Variants in ZDHHC13 observed in about 807,000 individuals in gnomAD.
The protein encoded by ZDHHC13 is palmitoyltransferase ZDHHC13.
Under a neutral mutation model 86.0 loss-of-function variants are expected in ZDHHC13, and 85 were observed. That is an observed-to-expected ratio of 0.99 (90% CI 0.83 to 1.18). The LOEUF is 1.18. ZDHHC13 is among the 50% of genes most tolerant of loss of function. The probability of loss-of-function intolerance (pLI) is 0.00; values close to 1 mark genes in which losing one functional copy is unlikely to be tolerated. For synonymous variants in ZDHHC13, 263 were observed against 246.4 expected, an observed-to-expected ratio of 1.07 and a Z score of -0.63; for missense variants, 711 against 730.2, an observed-to-expected ratio of 0.97 and a Z score of 0.30.
rs1315622559 is a variant in ZDHHC13 at position 19,172,743 on chromosome 11, C to A, written c.1653C>A (p.Thr551=). Residue 551 remains threonine (T), a synonymous_variant, in exon 16 of 17, where the codon ACC becomes ACA. Transcript: ENST00000446113. ...QLFQIAFLGL[T]SHERISLQKQ... Reference sequence around the variant, plus strand: ...TTCAGATTGCCTTTCTGGGCCTGACCTCCCATGAGAGAATCAGCCTGCAGA... The same window carrying A: ...TTCAGATTGCCTTTCTGGGCCTGACATCCCATGAGAGAATCAGCCTGCAGA... 4 of 1,603,012 alleles carry A rather than the reference C, an allele frequency of 2.5e-6. No individual in the cohort carries two copies. In the East Asian group the frequency reaches 9.0e-5, roughly 36 times the overall value.
At position 19,117,588 on chromosome 11, in the gene ZDHHC13, C is replaced by T. The variant is rs1848671786; in HGVS notation, c.27+312C>T. 5 of 351,242 alleles carry T rather than the reference C, an allele frequency of 1.4e-5. No individual in the cohort carries two copies. The South Asian group carries it at 5.9e-4, about 41-fold the overall frequency. 21.8% of individuals were successfully genotyped at this position (351,242 alleles called of 1,614,324 possible). On this transcript the variant is annotated intron_variant, in intron 1 of 16. Coordinates refer to ENST00000446113, the MANE Select transcript of ZDHHC13 (RefSeq NM_019028.3). This position sits in a 1 kb window ranked among gnomAD's most constrained non-coding sequence, Gnocchi z 4.2. ...GACCTCTGTGGGCCTGGGGAGGGGA[C>T]GATGGCCCTTCCCGGGAGAGGTGTC...
chr11:19,137,703 C>G (rs1387393278), intron 1 of ZDHHC13, among the ~76,000 whole-genome samples: 1 of 152,144 alleles, frequency 6.6e-6, no homozygotes, highest in Non-Finnish European at 1.5e-5. Flanking sequence ...GAAATTATAA[C>G]AAAGTATCTC....
chr11:19,149,095 C>G lies in ZDHHC13; in HGVS notation c.375-92C>G, dbSNP rs535188561. 5 of 1,187,494 alleles carry G rather than the reference C, an allele frequency of 4.2e-6. No homozygotes were observed. In the African/African-American group the frequency reaches 7.9e-5, roughly 19 times the overall value. The allele number at this position is 1,187,494 out of a possible 1,614,324, so 73.6% of individuals were successfully genotyped here. On this transcript the variant is annotated intron_variant, in intron 4 of 16. Coordinates refer to ENST00000446113, the MANE Select transcript of ZDHHC13 (RefSeq NM_019028.3). ...TTAGGAAATATTTTTTATATGTAAC[C>G]AAAATCCCTCATGTCTTAGGAATAT... is the stretch of plus-strand genomic sequence containing the variant.
intron 1 of ZDHHC13, among the ~76,000 whole-genome samples, chr11:19,136,300 A>G (rs1469755909): frequency 6.6e-6 from 1 of 152,228 alleles, no homozygotes; most frequent in Non-Finnish European, 1.5e-5. Context: ...AGCCGATGCG[A>G]TCAACTGGAA....
chr11:19,137,081 G>A (rs1399559572), intron 1 of ZDHHC13, among the ~76,000 whole-genome samples: 1 of 152,066 alleles, frequency 6.6e-6, no homozygotes, highest in Non-Finnish European at 1.5e-5. Flanking sequence ...AACTTTAAAT[G>A]TAAATGGACT....
chr11:19,157,770 C>CTACAT (rs947777387), intron 9 of ZDHHC13, among the ~76,000 whole-genome samples: 1 of 152,188 alleles, frequency 6.6e-6, no homozygotes, highest in Non-Finnish European at 1.5e-5. Flanking sequence ...TAGTTGAAGC[C>CTACAT]TACATTATAA....
At chr11:19,163,646 CTT>C (rs762067478) in intron 11 of ZDHHC13, among the ~76,000 whole-genome samples, 134 of 152,166 alleles carry the variant, frequency 8.8e-4, no homozygotes, top group Non-Finnish European at 1.6e-3. Flanking sequence ...CCCACCAAGA[CTT>C]TTTCAGATGT....
chr11:19,163,808 C>T, intron 11 of ZDHHC13, among the ~76,000 whole-genome samples: 1 of 152,106 alleles, frequency 6.6e-6, no homozygotes, highest in East Asian at 1.9e-4. Context: ...AGATGCCCCT[C>T]CTCCTCCTCA....
At chr11:19,133,672 A>G (rs4757759) in intron 1 of ZDHHC13, among the ~76,000 whole-genome samples, 100,326 of 151,412 alleles carry the variant, frequency 0.66, 33,882 homozygotes, top group Admixed American at 0.76. Flanking sequence ...TTTGTACAAA[A>G]ATTAAAAAAT....
At chr11:19,123,998 TA>T (rs1385223711) in intron 1 of ZDHHC13, among the ~76,000 whole-genome samples, 1 of 152,204 alleles carries the variant, frequency 6.6e-6, no homozygotes, top group Non-Finnish European at 1.5e-5. Flanking sequence ...TATTTATGTT[TA>T]AAATGCACGT....
chr11:19,161,162 C>T (rs1205217170), intron 10 of ZDHHC13, among the ~76,000 whole-genome samples: 2 of 151,944 alleles, frequency 1.3e-5, no homozygotes, highest in Non-Finnish European at 2.9e-5. Flanking sequence ...CTCAGGCTGC[C>T]GTCTGGATTG....
chr11:19,169,020 A>G (rs1367116439), intron 14 of ZDHHC13: 6 of 985,370 alleles, frequency 6.1e-6, no homozygotes, highest in Non-Finnish European at 7.2e-6. Flanking sequence ...GTATTAGCAC[A>G]AATTAAAGTG....
chr11:19,172,317 C>G (rs573388148), intron 15 of ZDHHC13, among the ~76,000 whole-genome samples: 1 of 152,082 alleles, frequency 6.6e-6, no homozygotes, highest in African/African-American at 2.4e-5. Flanking sequence ...GTGATCCACC[C>G]GCCTCGGCCT....
chr11:19,154,221 G>GAATA (rs1331407417), intron 8 of ZDHHC13, among the ~76,000 whole-genome samples: 1 of 152,042 alleles, frequency 6.6e-6, no homozygotes, highest in African/African-American at 2.4e-5. Flanking sequence ...CAAGTGCCTA[G>GAATA]AATAGTACCT....
chr11:19,141,670 G>C (rs889034406), intron 1 of ZDHHC13, among the ~76,000 whole-genome samples: 1 of 120,166 alleles, frequency 8.3e-6, no homozygotes, highest in South Asian at 3.0e-4. Context: ...TTAGATTTTT[G>C]TGGGCTTTTT....
rs963070802 is a variant in ZDHHC13 at position 19,156,073 on chromosome 11, G to A, written c.1007+144G>A. On this transcript the variant is annotated intron_variant, in intron 9 of 16. Transcript: ENST00000446113. The stretch of plus-strand genomic sequence containing the variant: ...AACAGCATCCTGCGGGTGGATGGGA[G>A]GAAAGGGCTCTGGTAGCATATTATT... 3.8e-6 allele frequency: 4 copies of A among 1,056,572 alleles called. No homozygotes were observed. In the African/African-American group the frequency reaches 6.7e-5, roughly 18 times the overall value. 65.4% of individuals were successfully genotyped at this position (1,056,572 alleles called of 1,614,324 possible).
intron 4 of ZDHHC13, 51 bp from the exon 5 acceptor site, chr11:19,149,136 T>G: frequency 8.5e-6 from 12 of 1,412,264 alleles, no homozygotes; most frequent in Non-Finnish European, 1.1e-5. Context: ...TCTCCCTGAC[T>G]TTTTGCTTTT....
intron 14 of ZDHHC13, chr11:19,169,195 C>G: frequency 2.0e-6 from 2 of 985,420 alleles, no homozygotes; most frequent in Non-Finnish European, 2.4e-6. Context: ...AATAGATATT[C>G]TTTCCCAATC....
chr11:19,134,805 A>C (rs906796657), intron 1 of ZDHHC13, among the ~76,000 whole-genome samples: 2 of 152,182 alleles, frequency 1.3e-5, no homozygotes, highest in Non-Finnish European at 2.9e-5. Context: ...ATGTATACCT[A>C]TGTAACAAAC....
Sources: gnomAD v4.1 joint callset for allele counts (sites outside exome capture counted in the v4.1 genomes callset) on GRCh38, gnomAD v4.1.1 for gene constraint, Gnocchi (gnomAD v3.1) non-coding constraint, MANE v1.5 for transcripts, NCBI Gene and HGNC (gene_info 2026-07-23, HGNC 2026-07-21) for gene names.